The following ANO2 variants were observed in gnomAD, a reference collection of about 807,000 sequenced individuals.
ANO2 encodes anoctamin 2.
ANO2 carries 101 observed loss-of-function variants against 124.2 expected under a neutral mutation model. That is an observed-to-expected ratio of 0.81 (90% confidence interval 0.69 to 0.96). ANO2 has a LOEUF of 0.96. ANO2 is among the 40% of genes least tolerant of loss of function. ANO2 has a pLI of 0.00. For synonymous variants in ANO2, 486 were observed against 482.5 expected, an observed-to-expected ratio of 1.01 and a Z score of -0.09; for missense variants, 1,293 against 1,274.5, an observed-to-expected ratio of 1.01 and a Z score of -0.22.
At chr12:5,630,343 G>A (rs1591775515) in intron 16 of ANO2, among the ~76,000 whole-genome samples, 1 of 152,314 alleles carries the variant, frequency 6.6e-6, no homozygotes, top group East Asian at 1.9e-4. Flanking sequence ...TCCCCATGGA[G>A]CCTGGGGGAA....
chr12:5,852,694 C>T (rs971893930), intron 4 of ANO2, among the ~76,000 whole-genome samples: 1 of 151,818 alleles, frequency 6.6e-6, no homozygotes, highest in Admixed American at 6.6e-5. Context: ...GGCATGGTAA[C>T]GAGGGGGCAG....
At chr12:5,696,554 C>T (rs1342974923) in intron 14 of ANO2, among the ~76,000 whole-genome samples, 1 of 152,086 alleles carries the variant, frequency 6.6e-6, no homozygotes, top group Non-Finnish European at 1.5e-5. Flanking sequence ...TCTCAAGCAA[C>T]ACATAACCCT....
At chr12:5,851,622 T>C (rs770483826) in intron 4 of ANO2, among the ~76,000 whole-genome samples, 1 of 148,294 alleles carries the variant, frequency 6.7e-6, no homozygotes, top group Non-Finnish European at 1.5e-5. Context: ...GGGACGGAGA[T>C]TGCAGTGAGC....
chr12:5,786,628 A>G (rs190537431), intron 10 of ANO2, among the ~76,000 whole-genome samples: 6 of 150,810 alleles, frequency 4.0e-5, no homozygotes, highest in Admixed American at 2.6e-4. Flanking sequence ...TTGCTCCAAA[A>G]CCTCCTAGAG....
At chr12:5,593,446 A>G (rs6489644) in intron 20 of ANO2, among the ~76,000 whole-genome samples, 106,462 of 152,112 alleles carry the variant, frequency 0.7, 37,408 homozygotes, top group East Asian at 0.81. Context: ...TTTACTGAAA[A>G]GACAAACATC....
rs1041580253 is a variant in ANO2, at chr12:5,787,960, T to C, written c.1055+11547A>G. ...GTCGTTGCACTGTGGCAGCCTGGAT[T>C]TGTCAGTAAATACTAACTCCTATGC... On this transcript the variant is annotated intron_variant, in intron 10 of 24. Transcript: ENST00000682330. The surrounding 1 kb of genome is among the most constrained non-coding windows in gnomAD (Gnocchi z 4.2). 3.9e-5 allele frequency among the ~76,000 whole-genome samples: 6 copies of C among 152,232 alleles called. No homozygotes were observed. Among genetic ancestry groups the C allele is most frequent in the Non-Finnish European group, 8.8e-5 (6 of 68,040 alleles).
intron 4 of ANO2, among the ~76,000 whole-genome samples, chr12:5,850,756 T>C (rs529542926): frequency 3.9e-5 from 6 of 152,204 alleles, no homozygotes; most frequent in Non-Finnish European, 8.8e-5. Flanking sequence ...TCAGTGCCTC[T>C]CCAAGGACTT....
At chr12:5,791,766 C>T (rs984224925) in intron 10 of ANO2, among the ~76,000 whole-genome samples, 1 of 152,122 alleles carries the variant, frequency 6.6e-6, no homozygotes, top group Non-Finnish European at 1.5e-5. Context: ...ACAGAGGTCA[C>T]AGACAGAAAA....
At chr12:5,639,813 T>A (rs2136944842) in intron 15 of ANO2, among the ~76,000 whole-genome samples, 1 of 152,216 alleles carries the variant, frequency 6.6e-6, no homozygotes, top group South Asian at 2.1e-4. Flanking sequence ...GTTTTAAAAG[T>A]TAGCATGCTG....
Position 5,696,200 on chromosome 12 carries a change from C to A in ANO2, c.1545+36320G>T, listed in dbSNP as rs577620423. Reference sequence around the variant, plus strand: ...CAAACAATAGGAAGAATGAACAAAACCAAACACTGGCTTCTTGAAAAGACT... The same window carrying A: ...CAAACAATAGGAAGAATGAACAAAAACAAACACTGGCTTCTTGAAAAGACT... On this transcript the variant is annotated intron_variant, in intron 14 of 24. Transcript: ENST00000682330. Among the ~76,000 whole-genome samples, 8 of 152,100 alleles carry A rather than the reference C, an allele frequency of 5.3e-5. No homozygotes were observed. In the South Asian group the frequency reaches 1.7e-3, roughly 32 times the overall value.
At chr12:5,682,737 C>T (rs1948551748) in intron 14 of ANO2, among the ~76,000 whole-genome samples, 1 of 152,206 alleles carries the variant, frequency 6.6e-6, no homozygotes, top group African/African-American at 2.4e-5. Flanking sequence ...ATATTTTGAG[C>T]TGCTGCTACA....
chr12:5,575,757 A>C, intron 23 of ANO2, 77 bp downstream of exon 23: 1 of 1,496,424 alleles, frequency 6.7e-7, no homozygotes, highest in Non-Finnish European at 9.1e-7. Flanking sequence ...CAGGGTTGTA[A>C]TTCTAGGTCG....
intron 1 of ANO2, among the ~76,000 whole-genome samples, chr12:5,924,234 G>A (rs11063916): frequency 0.46 from 70,042 of 152,124 alleles, 18,152 homozygotes; most frequent in East Asian, 0.81. Flanking sequence ...GCCCTCCAGC[G>A]CAGTTTCAGG....
intron 1 of ANO2, among the ~76,000 whole-genome samples, chr12:5,934,792 A>T (rs542694118): frequency 6.6e-6 from 1 of 152,276 alleles, no homozygotes; most frequent in South Asian, 2.1e-4. Flanking sequence ...CGTGTCCCTC[A>T]TCATTCTCCA....
chr12:5,923,102 A>G (rs1211617237), intron 1 of ANO2, among the ~76,000 whole-genome samples: 8 of 58,410 alleles, frequency 1.4e-4, no homozygotes, highest in South Asian at 7.6e-4. Flanking sequence ...ACGCACACAC[A>G]TACACACACA....
At chr12:5,813,311 T>A (rs1379623512) in intron 7 of ANO2, among the ~76,000 whole-genome samples, 1 of 152,206 alleles carries the variant, frequency 6.6e-6, no homozygotes, top group Non-Finnish European at 1.5e-5. Flanking sequence ...TTCCCAAGTG[T>A]AAGTAGGTCA....
At chr12:5,921,726 G>A (rs1941713322) in intron 2 of ANO2, among the ~76,000 whole-genome samples, 1 of 151,970 alleles carries the variant, frequency 6.6e-6, no homozygotes, top group Non-Finnish European at 1.5e-5. Context: ...ACACATGCAA[G>A]CACCTGCAGA....
rs181920540 is a variant in ANO2, at chr12:5,598,998, C to T, written c.2233+486G>A. ...GTTAAAAAGCTTTCATCTTATCCAGCCTTATCTGATCAAAGTAGGGGATGC... is the reference window on the plus strand; with the variant it reads ...GTTAAAAAGCTTTCATCTTATCCAGTCTTATCTGATCAAAGTAGGGGATGC... On this transcript the variant is annotated intron_variant, in intron 20 of 24. Transcript: ENST00000682330. Among the ~76,000 whole-genome samples the T allele has an allele frequency of 1.5e-4, 23 of 152,276 alleles. No homozygotes were observed. The East Asian group carries it at 4.4e-3, about 29-fold the overall frequency.
intron 16 of ANO2, among the ~76,000 whole-genome samples, chr12:5,624,676 G>C (rs1247536848): frequency 6.6e-6 from 1 of 152,182 alleles, no homozygotes. Flanking sequence ...TTGGGCCCCA[G>C]CTGTGCAGTG....
Sources: gnomAD v4.1 joint callset for allele counts (sites outside exome capture counted in the v4.1 genomes callset) on GRCh38, gnomAD v4.1.1 for gene constraint, Gnocchi (gnomAD v3.1) non-coding constraint, MANE v1.5 for transcripts, NCBI Gene and HGNC (gene_info 2026-07-23, HGNC 2026-07-21) for gene names.